RFC2: variants seen among roughly 807,000 people sequenced by gnomAD.
RFC2 encodes A1 40 kDa subunit.
A neutral mutation model predicts 44.8 loss-of-function variants in RFC2; 34 were observed. The ratio of observed to expected loss-of-function variants is 0.76; its 90% confidence interval spans 0.58 to 1.01. The LOEUF is 1.01. Ranked by LOEUF, RFC2 falls within the 50% of genes least tolerant of loss-of-function variation. RFC2 has a pLI of 0.00. For synonymous variants in RFC2, 177 were observed against 168.9 expected, an observed-to-expected ratio of 1.05 and a Z score of -0.37; for missense variants, 400 against 453.6, an observed-to-expected ratio of 0.88 and a Z score of 1.07.
At chr7:74,240,521 A>AAAG (rs1554719132) in intron 6 of RFC2, among the ~76,000 whole-genome samples, 2 of 146,968 alleles carry the variant, frequency 1.4e-5, no homozygotes, top group African/African-American at 5.1e-5. Flanking sequence ...AAAAAAAAAA[A>AAAG]AGAGAGAGAG....
chr7:74,250,444 C>T (rs1554720871), intron 2 of RFC2, among the ~76,000 whole-genome samples: 1 of 151,992 alleles, frequency 6.6e-6, no homozygotes, highest in East Asian at 1.9e-4. Context: ...GTACTCACCT[C>T]GGCATCTTCA....
chr7:74,236,873 C>T (rs1020913179), intron 9 of RFC2, among the ~76,000 whole-genome samples: 1 of 152,022 alleles, frequency 6.6e-6, no homozygotes, highest in Non-Finnish European at 1.5e-5. Context: ...GTGGGAGGAT[C>T]GCCTGAGCCT....
intron 7 of RFC2, 25 bp downstream of exon 7, chr7:74,239,913 G>A (rs770664354): frequency 1.3e-5 from 21 of 1,569,030 alleles, no homozygotes; most frequent in Non-Finnish European, 1.7e-5. Flanking sequence ...GGATGCCCAC[G>A]CCTGAATGGT....
In RFC2 at chr7:74,236,558, T is replaced by C. The variant is rs527586513; in HGVS notation, c.840+804A>G. 3.0e-4 allele frequency among the ~76,000 whole-genome samples: 45 copies of C among 152,222 alleles called. 1 individual carries two copies. The highest frequency in any genetic ancestry group is 8.5e-4 in the Admixed American group (13 of 15,270). On this transcript the variant is annotated intron_variant, in intron 9 of 10. Coordinates refer to ENST00000055077, the MANE Select transcript of RFC2 (RefSeq NM_181471.3). ...AATCTGCTCACAGCACTCAGTCCCA[T>C]TGTGAGGCTAGAATCTTCCTGCTCC...
intron 7 of RFC2, 123 bp downstream of exon 7, chr7:74,239,815 G>A (rs894402434): frequency 6.5e-6 from 6 of 922,510 alleles, no homozygotes; most frequent in Middle Eastern, 4.5e-4. Flanking sequence ...TCCCAGGAGG[G>A]TGCCAGGTCT....
chr7:74,247,370 T>C (rs1296351772), intron 4 of RFC2, among the ~76,000 whole-genome samples: 2 of 152,126 alleles, frequency 1.3e-5, no homozygotes, highest in Admixed American at 6.6e-5. Flanking sequence ...AGGCCAAGCA[T>C]GGTGGCTCAC....
At chr7:74,251,127 C>T (rs1786913125) in intron 2 of RFC2, among the ~76,000 whole-genome samples, 2 of 151,772 alleles carry the variant, frequency 1.3e-5, no homozygotes, top group Non-Finnish European at 2.9e-5. Context: ...CTTGACTCCT[C>T]CCTGCCCTCA....
chr7:74,253,386 A>G, intron 1 of RFC2, among the ~76,000 whole-genome samples: 1 of 151,778 alleles, frequency 6.6e-6, no homozygotes, highest in East Asian at 2.0e-4. Context: ...ATTACCTGCC[A>G]GTTTCTGCAG....
intron 2 of RFC2, among the ~76,000 whole-genome samples, chr7:74,250,783 C>A (rs1554720930): frequency 6.6e-6 from 1 of 152,082 alleles, no homozygotes; most frequent in African/African-American, 2.4e-5. Context: ...AAAGTACACA[C>A]CTATTAAAAC....
chr7:74,247,749 T>C (rs1195471145), intron 4 of RFC2, among the ~76,000 whole-genome samples: 1 of 152,074 alleles, frequency 6.6e-6, no homozygotes, highest in East Asian at 1.9e-4. Context: ...ATAAGCAAAA[T>C]CTCAGACTAT....
rs782466936 is a variant in RFC2, at chr7:74,238,085, G to A, written c.760-643C>T. ...TTCCCGGTGGAAGCCATGGTTTCCT[G>A]AGCCCTCAGTGACCCTCCAAGACAA... On this transcript the variant is annotated intron_variant, in intron 8 of 10. Coordinates refer to ENST00000055077, the MANE Select transcript of RFC2 (RefSeq NM_181471.3). The surrounding 1 kb of genome is among the most constrained non-coding windows in gnomAD (Gnocchi z 4.0). Among the ~76,000 whole-genome samples, 10 of 151,826 alleles carry A rather than the reference G, an allele frequency of 6.6e-5. No individual in the cohort carries two copies. Among genetic ancestry groups the A allele is most frequent in the Non-Finnish European group, 1.0e-4 (7 of 67,970 alleles).
At chr7:74,249,587 C>T in intron 3 of RFC2, 152 bp downstream of exon 3, 1 of 626,678 alleles carries the variant, frequency 1.6e-6, no homozygotes, top group Non-Finnish European at 2.9e-6. Flanking sequence ...AGCAACCAAC[C>T]CCAGGCCTCC....
chr7:74,248,917 G>T (rs1390128528), intron 4 of RFC2, 95 bp downstream of exon 4: 5 of 840,068 alleles, frequency 6.0e-6, no homozygotes, highest in African/African-American at 3.3e-5. Flanking sequence ...AGCTGGCAAG[G>T]CTTCGCATAC....
At chr7:74,236,852 G>C (rs1354219365) in intron 9 of RFC2, among the ~76,000 whole-genome samples, 2 of 152,102 alleles carry the variant, frequency 1.3e-5, no homozygotes, top group Non-Finnish European at 2.9e-5. Context: ...CCAGCTACTT[G>C]GGAGGCTGAG....
chr7:74,247,904 T>G (rs1203476074), intron 4 of RFC2, among the ~76,000 whole-genome samples: 3 of 152,180 alleles, frequency 2.0e-5, no homozygotes, highest in Non-Finnish European at 4.4e-5. Flanking sequence ...CTCAAGTCCC[T>G]TATATGAAAT....
intron 8 of RFC2, among the ~76,000 whole-genome samples, chr7:74,237,930 G>A (rs1444219030): frequency 6.6e-6 from 1 of 152,156 alleles, no homozygotes; most frequent in Non-Finnish European, 1.5e-5. Flanking sequence ...TGGTGCTGGG[G>A]ACTCCGTCCT....
chr7:74,237,784 C>G (rs1315583220), intron 8 of RFC2, among the ~76,000 whole-genome samples: 3 of 152,146 alleles, frequency 2.0e-5, no homozygotes, highest in Admixed American at 2.0e-4. Flanking sequence ...TTGGAATTCA[C>G]TTTAGAACTG....
intron 4 of RFC2, among the ~76,000 whole-genome samples, chr7:74,247,646 A>G (rs1803696406): frequency 1.3e-5 from 2 of 152,178 alleles, no homozygotes; most frequent in Admixed American, 1.3e-4. Flanking sequence ...TCTCAAAAAA[A>G]AAGAAAGAAA....
intron 6 of RFC2, among the ~76,000 whole-genome samples, chr7:74,241,322 C>T (rs575286929): frequency 6.6e-6 from 1 of 152,352 alleles, no homozygotes; most frequent in Non-Finnish European, 1.5e-5. Context: ...GAGCTCTCCA[C>T]TAGCATGGTG....
Sources: gnomAD v4.1 joint callset for allele counts (sites outside exome capture counted in the v4.1 genomes callset) on GRCh38, gnomAD v4.1.1 for gene constraint, Gnocchi (gnomAD v3.1) non-coding constraint, MANE v1.5 for transcripts, NCBI Gene and HGNC (gene_info 2026-07-23, HGNC 2026-07-21) for gene names.